NUP88: variants seen among roughly 807,000 people sequenced by gnomAD.
NUP88 encodes the protein nuclear pore complex protein Nup88.
NUP88 carries 57 observed loss-of-function variants against 93.9 expected under a neutral mutation model. The ratio of observed to expected loss-of-function variants is 0.61; its 90% CI spans 0.49 to 0.76. NUP88 has a LOEUF of 0.76. Ranked by LOEUF, NUP88 falls within the 30% of genes least tolerant of loss-of-function variation. The probability of loss-of-function intolerance (pLI) is 0.00; values close to 1 mark genes in which losing one functional copy is unlikely to be tolerated. For missense variants in NUP88, 911 were observed against 901.0 expected (o/e 1.01, Z -0.14); for synonymous variants, 346 against 336.8 (o/e 1.03, Z -0.30).
chr17:5,393,668 C>T (rs916636501), intron 9 of NUP88, among the ~76,000 whole-genome samples: 3 of 152,038 alleles, frequency 2.0e-5, no homozygotes, highest in Non-Finnish European at 4.4e-5. Context: ...GCACTCCTGA[C>T]CGTGTGATCC....
chr17:5,397,261 G>T (rs766209499), intron 8 of NUP88, among the ~76,000 whole-genome samples: 5 of 152,114 alleles, frequency 3.3e-5, no homozygotes, highest in African/African-American at 1.2e-4. Flanking sequence ...CACTGCTTGA[G>T]CCCAGGAGTT....
chr17:5,386,909 T>G, intron 15 of NUP88, 75 bp downstream of exon 15: 1 of 1,594,992 alleles, frequency 6.3e-7, no homozygotes, highest in Non-Finnish European at 8.6e-7. Flanking sequence ...TCTTTTTACA[T>G]TTTTGTAAAA....
chr17:5,411,258 T>C (rs1913824535), intron 3 of NUP88, among the ~76,000 whole-genome samples: 1 of 152,132 alleles, frequency 6.6e-6, no homozygotes, highest in Non-Finnish European at 1.5e-5. Flanking sequence ...TACTTATGTG[T>C]TTGTTATATA....
rs187093036 is a variant in NUP88, at chr17:5,387,477, A to G, written c.1836-11T>C. On this transcript the variant is annotated splice_polypyrimidine_tract_variant and intron_variant, in intron 13 of 16. Coordinates refer to ENST00000573584, the MANE Select transcript of NUP88 (RefSeq NM_002532.6). ...TCCCGCAGACTTTTCCTAATGATGTAAGACACAAGAGACTCTTGAGGTCCA... is the reference window on the plus strand; with the variant it reads ...TCCCGCAGACTTTTCCTAATGATGTGAGACACAAGAGACTCTTGAGGTCCA... 6.2e-7 allele frequency: 1 copy of G among 1,613,648 alleles called. No individual in the cohort carries two copies. The highest frequency in any genetic ancestry group is 2.2e-5 in the East Asian group (1 of 44,868).
Position 5,399,468 on chromosome 17 carries a change from C to G in NUP88, c.1291+84G>C, listed in dbSNP as rs563529036. 2.8e-4 allele frequency: 188 copies of G among 676,732 alleles called. 1 individual carries two copies. In the African/African-American group the frequency reaches 3.1e-3, roughly 11 times the overall value. 41.9% of individuals were successfully genotyped at this position (676,732 alleles called of 1,614,324 possible). On this transcript the variant is annotated intron_variant, in intron 8 of 16. Transcript: ENST00000573584. Reference sequence around the variant, plus strand: ...TTCACTGATTTTCTCTATCATTTTTCTATTCCAAACTACTTTTCTGAAATC... The same window carrying G: ...TTCACTGATTTTCTCTATCATTTTTGTATTCCAAACTACTTTTCTGAAATC...
intron 10 of NUP88, among the ~76,000 whole-genome samples, chr17:5,390,073 G>A (rs1912313195): frequency 6.6e-6 from 1 of 150,672 alleles, no homozygotes; most frequent in East Asian, 2.0e-4. Context: ...GCTGAGGCAG[G>A]AGAATCACTT....
intron 7 of NUP88, among the ~76,000 whole-genome samples, chr17:5,403,262 G>C (rs1396849401): frequency 3.3e-5 from 5 of 151,978 alleles, no homozygotes; most frequent in Non-Finnish European, 7.4e-5. Flanking sequence ...CGGATCACAA[G>C]GTCAGGAGTT....
Position 5,387,393 on chromosome 17 carries a change from T to C in NUP88, c.1909A>G (p.Met637Val). The C allele has an allele frequency of 3.1e-6, 5 of 1,613,424 alleles. No individual in the cohort carries two copies. The highest frequency in any genetic ancestry group is 1.3e-5 in the African/African-American group (1 of 75,048). Residue 637 changes from methionine to valine, a missense_variant, in exon 14 of 17, where the codon ATG (methionine) becomes GTG (valine). Transcript: ENST00000573584. The part of the protein sequence containing the change: ...EEAKEKQEDI[M>V]NRMKKLLHSF... ...GTTATACAGCCCACTGACCTGTTCATGATATCCTCTTGTTTTTCTTTAGCT... is the reference window on the plus strand; with the variant it reads ...GTTATACAGCCCACTGACCTGTTCACGATATCCTCTTGTTTTTCTTTAGCT...
At chr17:5,401,219 A>C (rs1913141648) in intron 7 of NUP88, among the ~76,000 whole-genome samples, 2 of 152,220 alleles carry the variant, frequency 1.3e-5, no homozygotes, top group South Asian at 2.1e-4. Context: ...CCCCGTCTCT[A>C]CTAAAAATAC....
intron 8 of NUP88, among the ~76,000 whole-genome samples, chr17:5,398,946 T>C (rs1453773086): frequency 1.4e-5 from 2 of 148,028 alleles, no homozygotes; most frequent in Admixed American, 6.9e-5. Context: ...TGGAGTGCAG[T>C]GGCGTGATCT....
At chr17:5,397,469 T>C (rs1238339128) in intron 8 of NUP88, among the ~76,000 whole-genome samples, 5 of 152,188 alleles carry the variant, frequency 3.3e-5, no homozygotes, top group African/African-American at 1.2e-4. Flanking sequence ...CAGCCCACTG[T>C]TGCTGGCTGC....
At chr17:5,387,161 A>G in intron 14 of NUP88, 51 bp from the exon 15 acceptor site, 1 of 1,587,450 alleles carries the variant, frequency 6.3e-7, no homozygotes, top group East Asian at 2.2e-5. Context: ...ACTAATTAGG[A>G]GAAACATAAT....
intron 9 of NUP88, among the ~76,000 whole-genome samples, chr17:5,394,138 G>A (rs1014620516): frequency 6.6e-6 from 1 of 152,158 alleles, no homozygotes; most frequent in Non-Finnish European, 1.5e-5. Context: ...AGTTCAGAGT[G>A]GTCTGGGCTA....
intron 2 of NUP88, among the ~76,000 whole-genome samples, chr17:5,414,382 A>AG (rs745513959): frequency 1.3e-4 from 20 of 151,800 alleles, no homozygotes; most frequent in African/African-American, 4.6e-4. Flanking sequence ...TTCAGTAGAG[A>AG]GGGGGTTTCT....
chr17:5,393,706 G>GATT (rs2144770287), intron 9 of NUP88, among the ~76,000 whole-genome samples: 1 of 152,320 alleles, frequency 6.6e-6, no homozygotes, highest in Non-Finnish European at 1.5e-5. Context: ...AAAATGCTGG[G>GATT]ATTATAGGCG....
chr17:5,394,698 A>G (rs550734663), intron 9 of NUP88, among the ~76,000 whole-genome samples, 193 bp downstream of exon 9: 5 of 152,300 alleles, frequency 3.3e-5, no homozygotes, highest in Non-Finnish European at 7.4e-5. Flanking sequence ...GTCAGGAAAC[A>G]GTATGTCGAG....
intron 16 of NUP88, 31 bp downstream of exon 16, chr17:5,386,676 AC>A (rs1567562691): frequency 5.8e-6 from 8 of 1,375,240 alleles, no homozygotes; most frequent in Middle Eastern, 1.8e-4. Context: ...AAACTATCTC[AC>A]GATAATAGCT....
intron 3 of NUP88, among the ~76,000 whole-genome samples, chr17:5,413,640 G>T (rs1036265209): frequency 1.3e-5 from 2 of 152,156 alleles, no homozygotes; most frequent in Non-Finnish European, 2.9e-5. Flanking sequence ...AAAAGCTCAA[G>T]ATCTCAAAGA....
At chr17:5,403,223 A>T (rs527239911) in intron 7 of NUP88, among the ~76,000 whole-genome samples, 1 of 152,192 alleles carries the variant, frequency 6.6e-6, no homozygotes, top group South Asian at 2.1e-4. Context: ...CACGCCTGGA[A>T]TCCCAGCACT....
Sources: gnomAD v4.1 joint callset for allele counts (sites outside exome capture counted in the v4.1 genomes callset) on GRCh38, gnomAD v4.1.1 for gene constraint, MANE v1.5 for transcripts, NCBI Gene and HGNC (gene_info 2026-07-23, HGNC 2026-07-21) for gene names.